KIRREL3: variants seen among roughly 807,000 people sequenced by gnomAD.
KIRREL3 encodes kin of IRRE-like protein 3.
Under a neutral mutation model 89.7 loss-of-function variants are expected in KIRREL3, and 36 were observed. The observed-to-expected ratio is 0.40, with a 90% CI of 0.31 to 0.53. The LOEUF is 0.53. Among genes scored for constraint, KIRREL3 ranks in the 20% least tolerant of loss-of-function variants. KIRREL3 has a pLI of 0.49. For missense variants in KIRREL3, 864 were observed against 1,056.6 expected (o/e 0.82, Z 2.53); for synonymous variants, 445 against 441.4 (o/e 1.01, Z -0.10).
intron 1 of KIRREL3, among the ~76,000 whole-genome samples, chr11:126,887,162 T>C (rs567036056): frequency 6.6e-6 from 1 of 152,206 alleles, no homozygotes; most frequent in African/African-American, 2.4e-5. Context: ...AGAAGGCAAT[T>C]TGGAAATGAT....
chr11:126,926,018 G>A (rs985645855), intron 1 of KIRREL3, among the ~76,000 whole-genome samples: 1 of 152,202 alleles, frequency 6.6e-6, no homozygotes, highest in Non-Finnish European at 1.5e-5. Context: ...ACACCTGGCT[G>A]TCTTCCCATG....
chr11:126,645,340 C>A lies in KIRREL3; in HGVS notation c.56-82428G>T, dbSNP rs1944625843. On this transcript the variant is annotated intron_variant, in intron 1 of 16. Transcript: ENST00000525144. The surrounding 1 kb of genome is among the most constrained non-coding windows in gnomAD (Gnocchi z 4.9). ...TGTGGTCCTCAAATCCTGAATACTT[C>A]TCTCCCAGAGCATTTACCACACGGT... Among the ~76,000 whole-genome samples the A allele has an allele frequency of 6.6e-6, 1 of 152,160 alleles. No individual in the cohort carries two copies. The highest frequency in any genetic ancestry group is 2.4e-5 in the African/African-American group (1 of 41,436).
chr11:126,458,024 G>A (rs1219854002), intron 6 of KIRREL3, among the ~76,000 whole-genome samples: 2 of 152,118 alleles, frequency 1.3e-5, no homozygotes, highest in Admixed American at 6.5e-5. Context: ...CCAGGCCTCG[G>A]CACCCCCGGG....
chr11:126,718,111 G>A (rs1948037612), intron 1 of KIRREL3, among the ~76,000 whole-genome samples: 2 of 152,178 alleles, frequency 1.3e-5, no homozygotes, highest in Non-Finnish European at 2.9e-5. Flanking sequence ...AGCATCACCG[G>A]AATTTGCGCT....
In KIRREL3 at chr11:126,607,527, C is replaced by T. The variant is rs1222842890; in HGVS notation, c.56-44615G>A. Among the ~76,000 whole-genome samples the T allele has an allele frequency of 6.6e-6, 1 of 152,072 alleles. No individual in the cohort carries two copies. The highest frequency in any genetic ancestry group is 1.5e-5 in the Non-Finnish European group (1 of 68,018). On this transcript the variant is annotated intron_variant, in intron 1 of 16. Coordinates refer to ENST00000525144, the MANE Select transcript of KIRREL3 (RefSeq NM_032531.4). The surrounding 1 kb of genome is among the most constrained non-coding windows in gnomAD (Gnocchi z 6.6). ...GTCCCTCAGGAGCAGGAACTGGGCT[C>T]CCGCTGGAGAGAAGCAGCGCTCCAC...
In KIRREL3 at chr11:126,791,158, C is replaced by T. The variant is rs556438955; in HGVS notation, c.55+209297G>A. Among the ~76,000 whole-genome samples, 7 of 152,256 alleles carry T rather than the reference C, an allele frequency of 4.6e-5. No individual in the cohort carries two copies. The highest frequency in any genetic ancestry group is 1.9e-4 in the East Asian group (1 of 5,174). ...AAAAGATCAGAAATTGCCTCCTGAG[C>T]GCTGCCTGGCTGCTTCAGAAGAAAA... On this transcript the variant is annotated intron_variant, in intron 1 of 16. Coordinates refer to ENST00000525144, the MANE Select transcript of KIRREL3 (RefSeq NM_032531.4). This position sits in a 1 kb window ranked among gnomAD's most constrained non-coding sequence, Gnocchi z 4.8.
At position 126,807,291 on chromosome 11, in the gene KIRREL3, A is replaced by G. The variant is rs1951233194; in HGVS notation, c.55+193164T>C. ...CTGAAATTTTACAATGGAGCACAGGAAATTGCCAGGTCACTAAGGTGAATT... is the reference window on the plus strand; with the variant it reads ...CTGAAATTTTACAATGGAGCACAGGGAATTGCCAGGTCACTAAGGTGAATT... On this transcript the variant is annotated intron_variant, in intron 1 of 16. Transcript: ENST00000525144. The surrounding 1 kb of genome is among the most constrained non-coding windows in gnomAD (Gnocchi z 4.3). 6.6e-6 allele frequency among the ~76,000 whole-genome samples: 1 copy of G among 152,212 alleles called. No homozygotes were observed. Among genetic ancestry groups the G allele is most frequent in the African/African-American group, 2.4e-5 (1 of 41,450 alleles).
Position 126,431,666 on chromosome 11 carries a change from C to T in KIRREL3, c.1589-140G>A. 1 of 832,494 alleles carries T rather than the reference C, an allele frequency of 1.2e-6. No individual in the cohort carries two copies. 51.6% of individuals were successfully genotyped at this position (832,494 alleles called of 1,614,324 possible). ...AATGCCTCAGTGGGGCCTGGGCAGG[C>T]ACAGGCCGAGTCCAACTGGGGTCAG... is the stretch of plus-strand genomic sequence containing the variant. On this transcript the variant is annotated intron_variant, in intron 13 of 16. Coordinates refer to ENST00000525144, the MANE Select transcript of KIRREL3 (RefSeq NM_032531.4). The surrounding 1 kb of genome is among the most constrained non-coding windows in gnomAD (Gnocchi z 7.1).
chr11:126,860,424 G>A lies in KIRREL3; in HGVS notation c.55+140031C>T, dbSNP rs973210165. ...GAAGTGATATTTAAGAGCCTCAGGT[G>A]TTGGGAAGGAATTTGCTGAATGAAG... On this transcript the variant is annotated intron_variant, in intron 1 of 16. Coordinates refer to ENST00000525144, the MANE Select transcript of KIRREL3 (RefSeq NM_032531.4). This position sits in a 1 kb window ranked among gnomAD's most constrained non-coding sequence, Gnocchi z 4.6. 6.6e-6 allele frequency among the ~76,000 whole-genome samples: 1 copy of A among 152,172 alleles called. No homozygotes were observed. Among genetic ancestry groups the A allele is most frequent in the Non-Finnish European group, 1.5e-5 (1 of 68,038 alleles).
At chr11:126,836,811 C>G (rs1329371913) in intron 1 of KIRREL3, among the ~76,000 whole-genome samples, 3 of 152,144 alleles carry the variant, frequency 2.0e-5, no homozygotes, top group Admixed American at 2.0e-4. Context: ...AGGAAGCTTT[C>G]CCTGAACCTG....
chr11:126,963,633 T>C (rs576370587), intron 1 of KIRREL3, among the ~76,000 whole-genome samples: 7 of 152,310 alleles, frequency 4.6e-5, no homozygotes, highest in African/African-American at 1.4e-4. Flanking sequence ...AGGCATGCTA[T>C]TGATTTGGAA....
chr11:126,649,410 C>A (rs578127323), intron 1 of KIRREL3, among the ~76,000 whole-genome samples: 4 of 152,212 alleles, frequency 2.6e-5, no homozygotes, highest in Non-Finnish European at 5.9e-5. Context: ...TCCCTTCTAC[C>A]TATGAGCCTG....
chr11:126,899,825 C>T (rs1221793990), intron 1 of KIRREL3, among the ~76,000 whole-genome samples: 1 of 152,174 alleles, frequency 6.6e-6, no homozygotes, highest in Non-Finnish European at 1.5e-5. Context: ...AATCCTCAAA[C>T]CTGGTCAAAA....
chr11:126,889,857 A>C (rs375156020), intron 1 of KIRREL3, among the ~76,000 whole-genome samples: 5 of 152,332 alleles, frequency 3.3e-5, no homozygotes, highest in South Asian at 4.1e-4. Context: ...GTTTGTGGGA[A>C]TCACTTCATA....
intron 1 of KIRREL3, among the ~76,000 whole-genome samples, chr11:126,737,563 C>A (rs1367835904): frequency 6.6e-6 from 1 of 152,158 alleles, no homozygotes; most frequent in Non-Finnish European, 1.5e-5. Flanking sequence ...TGTTTCCCTG[C>A]TGGTACGACG....
At position 126,740,913 on chromosome 11, in the gene KIRREL3, T is replaced by C. The variant is rs144551939; in HGVS notation, c.56-178001A>G. 1.8e-3 allele frequency among the ~76,000 whole-genome samples: 268 copies of C among 151,866 alleles called. 2 individuals carry two copies. The highest frequency in any genetic ancestry group is 6.2e-3 in the African/African-American group (255 of 41,376). The stretch of plus-strand genomic sequence containing the variant: ...TCCATGAGAGTCCCCCATGGTAGAG[T>C]GAGTGACAAGGTTCTTGGAAATATC... On this transcript the variant is annotated intron_variant, in intron 1 of 16. Transcript: ENST00000525144. The surrounding 1 kb of genome is among the most constrained non-coding windows in gnomAD (Gnocchi z 6.0).
rs561819328 is a variant in KIRREL3 at position 126,714,475 on chromosome 11, C to G, written c.56-151563G>C. Among the ~76,000 whole-genome samples the G allele has an allele frequency of 1.1e-3, 160 of 152,262 alleles. 2 individuals are homozygous for G. In the South Asian group the frequency reaches 0.024, roughly 23 times the overall value. Reference sequence around the variant, plus strand: ...TGGGACAGCGGGTGTGATGGAGTCACGGAGATGTGATGGGGGGCATTTGGG... The same window carrying G: ...TGGGACAGCGGGTGTGATGGAGTCAGGGAGATGTGATGGGGGGCATTTGGG... On this transcript the variant is annotated intron_variant, in intron 1 of 16. Coordinates refer to ENST00000525144, the MANE Select transcript of KIRREL3 (RefSeq NM_032531.4).
intron 1 of KIRREL3, among the ~76,000 whole-genome samples, chr11:126,887,547 C>T (rs758193772): frequency 2.2e-4 from 33 of 152,314 alleles, no homozygotes; most frequent in Non-Finnish European, 3.5e-4. Context: ...CCACCCCTCA[C>T]TGCAGGGATC....
rs931598734 is a variant in KIRREL3 at position 126,742,268 on chromosome 11, G to C, written c.56-179356C>G. Among the ~76,000 whole-genome samples the C allele has an allele frequency of 6.6e-6, 1 of 152,158 alleles. No individual in the cohort carries two copies. Among genetic ancestry groups the C allele is most frequent in the Non-Finnish European group, 1.5e-5 (1 of 68,030 alleles). The stretch of plus-strand genomic sequence containing the variant: ...GATGGCATTTCTTGAGGATTTCCCA[G>C]AGAGTCTTGCTGTCTGTCTGTATGC... On this transcript the variant is annotated intron_variant, in intron 1 of 16. Coordinates refer to ENST00000525144, the MANE Select transcript of KIRREL3 (RefSeq NM_032531.4). This position sits in a 1 kb window ranked among gnomAD's most constrained non-coding sequence, Gnocchi z 5.3.
Sources: allele counts gnomAD v4.1 joint callset (sites outside exome capture counted in the v4.1 genomes callset), GRCh38; gene constraint gnomAD v4.1.1; non-coding constraint Gnocchi (gnomAD v3.1); transcripts MANE v1.5; gene names NCBI Gene and HGNC (gene_info 2026-07-23, HGNC 2026-07-21).